Variants in ASPH observed in about 807,000 individuals in gnomAD.
ASPH encodes the protein aspartyl/asparaginyl beta-hydroxylase.
Under a neutral mutation model 118.4 loss-of-function variants are expected in ASPH, and 100 were observed. The observed-to-expected ratio is 0.84, with a 90% CI of 0.72 to 1.00. The LOEUF (loss-of-function observed/expected upper bound fraction) is 1.00. Among genes scored for constraint, ASPH ranks in the 50% least tolerant of loss-of-function variants. The pLI, the probability that ASPH is intolerant of heterozygous loss-of-function variation, is 0.00. For synonymous variants in ASPH, 315 were observed against 325.6 expected (o/e 0.97, Z 0.35); for missense variants, 920 against 919.5 (o/e 1.00, Z -0.01).
chr8:61,618,756 A>G (rs1463706384), intron 14 of ASPH, among the ~76,000 whole-genome samples: 1 of 152,230 alleles, frequency 6.6e-6, no homozygotes, highest in Non-Finnish European at 1.5e-5. Context: ...TGCAAATGTC[A>G]AAACTAGAAT....
chr8:61,708,272 A>G (rs913485554), intron 1 of ASPH, among the ~76,000 whole-genome samples: 1 of 152,234 alleles, frequency 6.6e-6, no homozygotes, highest in African/African-American at 2.4e-5. Flanking sequence ...TCTGCCAAAA[A>G]GCAAATCCAT....
chr8:61,525,052 C>T (rs1291940555), intron 22 of ASPH, among the ~76,000 whole-genome samples: 2 of 152,146 alleles, frequency 1.3e-5, no homozygotes, highest in African/African-American at 4.8e-5. Flanking sequence ...GGAAGTATCC[C>T]TGAAAACATT....
At chr8:61,503,870 C>T (rs1805438356) in intron 24 of ASPH, among the ~76,000 whole-genome samples, 1 of 152,194 alleles carries the variant, frequency 6.6e-6, no homozygotes, top group South Asian at 2.1e-4. Context: ...CATCTCTATG[C>T]CTCTCAAGAC....
chr8:61,661,134 C>T (rs1816692337), intron 3 of ASPH: 1 of 152,166 alleles, frequency 6.6e-6, no homozygotes, highest in African/African-American at 2.4e-5. Context: ...CATTTGCCCC[C>T]TCAATGATCT....
At chr8:61,645,476 C>T (rs1468145052) in intron 6 of ASPH, among the ~76,000 whole-genome samples, 2 of 152,066 alleles carry the variant, frequency 1.3e-5, no homozygotes, top group African/African-American at 4.8e-5. Context: ...AGAGAAGAAG[C>T]AACAGGAAAT....
intron 12 of ASPH, among the ~76,000 whole-genome samples, chr8:61,636,147 C>T (rs1857616870): frequency 6.6e-6 from 1 of 152,046 alleles, no homozygotes; most frequent in South Asian, 2.1e-4. Context: ...AGGGCTGATA[C>T]AATGAGAGCT....
intron 21 of ASPH, among the ~76,000 whole-genome samples, chr8:61,533,953 CTT>C (rs916002295): frequency 6.6e-6 from 1 of 152,062 alleles, no homozygotes; most frequent in African/African-American, 2.4e-5. Flanking sequence ...CTTCTTGACT[CTT>C]TATTTTTTTG....
chr8:61,665,652 C>A, intron 3 of ASPH: 1 of 1,510,132 alleles, frequency 6.6e-7, no homozygotes, highest in Non-Finnish European at 8.8e-7. Flanking sequence ...TTGACAGGAT[C>A]TCTTAATCAC....
At chr8:61,638,394 G>A (rs1286250292) in intron 10 of ASPH, 31 bp from the exon 11 acceptor site, 10 of 1,522,170 alleles carry the variant, frequency 6.6e-6, no homozygotes, top group South Asian at 2.4e-5. Context: ...ACAAAATCCC[G>A]TAACTTTCAT....
chr8:61,601,334 A>C (rs1843905520), intron 14 of ASPH, among the ~76,000 whole-genome samples: 1 of 151,282 alleles, frequency 6.6e-6, no homozygotes, highest in Non-Finnish European at 1.5e-5. Context: ...CGAGGTCAGG[A>C]GCTCAAGACC....
Position 61,650,755 on chromosome 8 carries a change from T to C in ASPH, c.490+295A>G, listed in dbSNP as rs1810572284. 1.3e-5 allele frequency among the ~76,000 whole-genome samples: 2 copies of C among 152,168 alleles called. 1 individual carries two copies. The highest frequency in any genetic ancestry group is 4.1e-4 in the South Asian group (2 of 4,834). On this transcript the variant is annotated intron_variant, in intron 5 of 24. Transcript: ENST00000379454. Reference sequence around the variant, plus strand: ...GGGCCTGTGTCCCACTTTCCTCCTCTCCATCCTCCCCTTCTGTTCCTGATG... The same window carrying C: ...GGGCCTGTGTCCCACTTTCCTCCTCCCCATCCTCCCCTTCTGTTCCTGATG...
chr8:61,579,909 C>CAAAA (rs35492301), intron 15 of ASPH, among the ~76,000 whole-genome samples: 2 of 49,464 alleles, frequency 4.0e-5, no homozygotes, highest in African/African-American at 1.4e-4. Flanking sequence ...CTGCCAATGT[C>CAAAA]AAAAAAAAAA....
intron 3 of ASPH, among the ~76,000 whole-genome samples, chr8:61,667,272 A>G (rs2151383138): frequency 1.3e-5 from 2 of 152,322 alleles, no homozygotes; most frequent in South Asian, 4.1e-4. Flanking sequence ...GAATATGACT[A>G]CTAACATATG....
At chr8:61,556,128 C>T in intron 18 of ASPH, 106 bp from the exon 19 acceptor site, 2 of 903,502 alleles carry the variant, frequency 2.2e-6, no homozygotes, top group Non-Finnish European at 3.4e-6. Context: ...CTTTGTTGTA[C>T]TTGGATTGGA....
chr8:61,634,529 A>G (rs1362897424), intron 12 of ASPH, among the ~76,000 whole-genome samples: 1 of 152,254 alleles, frequency 6.6e-6, no homozygotes, highest in African/African-American at 2.4e-5. Flanking sequence ...CACATGCTCA[A>G]AACAGAATAT....
intron 24 of ASPH, 30 bp downstream of exon 24, chr8:61,517,498 C>A: frequency 1.9e-6 from 3 of 1,607,050 alleles, no homozygotes; most frequent in Non-Finnish European, 2.6e-6. Flanking sequence ...TCTGAGGTGA[C>A]GGATATGACG....
At chr8:61,517,888 C>T (rs1416427434) in intron 23 of ASPH, 144 bp downstream of exon 23, 1 of 1,109,212 alleles carries the variant, frequency 9.0e-7, no homozygotes, top group Non-Finnish European at 1.3e-6. Flanking sequence ...TGACGTCAAC[C>T]ACATAAAATT....
At chr8:61,668,591 A>G (rs1424948181) in intron 3 of ASPH, among the ~76,000 whole-genome samples, 2 of 152,152 alleles carry the variant, frequency 1.3e-5, no homozygotes, top group South Asian at 2.1e-4. Flanking sequence ...TCAGTGGTAG[A>G]CTTCCGCTTG....
chr8:61,637,932 A>C lies in ASPH; in HGVS notation c.889+15T>G, dbSNP rs746354657. The C allele has an allele frequency of 5.0e-6, 8 of 1,603,024 alleles. No homozygotes were observed. The highest frequency in any genetic ancestry group is 6.8e-6 in the Non-Finnish European group (8 of 1,174,486). On this transcript the variant is annotated intron_variant, in intron 12 of 24. Coordinates refer to ENST00000379454, the MANE Select transcript of ASPH (RefSeq NM_004318.4). ...TCATATGGAAGGTAAAACCACTTCC[A>C]TAAATTTATCTTACCTTCTACAATT...
Sources: gnomAD v4.1 joint callset for allele counts (sites outside exome capture counted in the v4.1 genomes callset) on GRCh38, gnomAD v4.1.1 for gene constraint, MANE v1.5 for transcripts, NCBI Gene and HGNC (gene_info 2026-07-23, HGNC 2026-07-21) for gene names.